RBFOX1: variants seen among roughly 807,000 people sequenced by gnomAD.
RBFOX1 encodes the protein RNA binding protein fox-1 homolog 1.
A neutral mutation model predicts 57.7 loss-of-function variants in RBFOX1; 8 were observed. That is an observed-to-expected ratio of 0.14 (90% CI 0.08 to 0.25). The LOEUF (loss-of-function observed/expected upper bound fraction) is 0.25, where lower values mean the gene tolerates loss of function less well. Ranked by LOEUF, RBFOX1 falls within the 10% of genes least tolerant of loss-of-function variation. The pLI, the probability that RBFOX1 is intolerant of heterozygous loss-of-function variation, is 1.00. For synonymous variants in RBFOX1, 326 were observed against 222.4 expected (o/e 1.47, Z -4.15); for missense variants, 611 against 548.5 (o/e 1.11, Z -1.14).
At chr16:6,833,104 G>C (rs2092827402) in intron 3 of RBFOX1, among the ~76,000 whole-genome samples, 6 of 148,002 alleles carry the variant, frequency 4.1e-5, no homozygotes, top group Admixed American at 4.1e-4. Flanking sequence ...TTTCTGGAAG[G>C]CTTTTTCTGT....
chr16:5,729,216 G>A (rs1216756452), intron 3 of RBFOX1, among the ~76,000 whole-genome samples: 1 of 152,138 alleles, frequency 6.6e-6, no homozygotes, highest in East Asian at 1.9e-4. Flanking sequence ...TCAGTTTGTA[G>A]TCTGTCAGAT....
chr16:6,297,834 G>A (rs752463689), intron 1 of RBFOX1, among the ~76,000 whole-genome samples: 1 of 152,100 alleles, frequency 6.6e-6, no homozygotes, highest in Admixed American at 6.5e-5. Context: ...AGAGGAGATT[G>A]GCCACTGGGT....
chr16:6,155,961 T>C (rs1476797904), intron 1 of RBFOX1, among the ~76,000 whole-genome samples: 1 of 152,162 alleles, frequency 6.6e-6, no homozygotes, highest in African/African-American at 2.4e-5. Flanking sequence ...ACCTGTAGGG[T>C]ATCATTTAAT....
chr16:7,253,802 C>T (rs1160610928), intron 4 of RBFOX1, among the ~76,000 whole-genome samples: 1 of 152,172 alleles, frequency 6.6e-6, no homozygotes, highest in Non-Finnish European at 1.5e-5. Flanking sequence ...GGGAAGGAAT[C>T]TTTTCCTTGT....
At chr16:7,650,438 T>A (rs753003121) in intron 11 of RBFOX1, among the ~76,000 whole-genome samples, 2 of 152,066 alleles carry the variant, frequency 1.3e-5, no homozygotes, top group Non-Finnish European at 2.9e-5. Flanking sequence ...TGTGCCCTGC[T>A]TGGGAGAGCC....
At chr16:7,521,962 C>A (rs2077599291) in intron 5 of RBFOX1, among the ~76,000 whole-genome samples, 1 of 152,156 alleles carries the variant, frequency 6.6e-6, no homozygotes, top group Non-Finnish European at 1.5e-5. Context: ...GCTCCAGTCA[C>A]CACCTGTGAA....
intron 2 of RBFOX1, among the ~76,000 whole-genome samples, chr16:6,390,211 G>A (rs144110243): frequency 1.3e-5 from 2 of 152,312 alleles, no homozygotes; most frequent in East Asian, 1.9e-4. Flanking sequence ...TGCAATGGAT[G>A]TATTTACATA....
chr16:7,027,514 T>C (rs1214088283), intron 3 of RBFOX1, among the ~76,000 whole-genome samples: 1 of 80,736 alleles, frequency 1.2e-5, no homozygotes, highest in Admixed American at 1.3e-4. Context: ...TCAAGCAGTC[T>C]GGCTTCAGGG....
intron 1 of RBFOX1, among the ~76,000 whole-genome samples, chr16:5,385,161 G>C (rs938029007): frequency 6.6e-6 from 1 of 152,176 alleles, no homozygotes; most frequent in African/African-American, 2.4e-5. Context: ...TATGCTTTAC[G>C]TGCTTTTTTT....
chr16:7,171,507 C>A (rs1362596996), intron 4 of RBFOX1, among the ~76,000 whole-genome samples: 1 of 152,144 alleles, frequency 6.6e-6, no homozygotes, highest in Non-Finnish European at 1.5e-5. Flanking sequence ...AGTGTGAATC[C>A]TTAATGTGAC....
intron 3 of RBFOX1, among the ~76,000 whole-genome samples, chr16:5,682,108 A>T (rs1285024094): frequency 6.6e-6 from 1 of 152,182 alleles, no homozygotes; most frequent in African/African-American, 2.4e-5. Flanking sequence ...TGGGTTTCAG[A>T]TTGCCGTTTC....
intron 13 of RBFOX1, among the ~76,000 whole-genome samples, chr16:7,668,734 ATCTTT>A (rs1356125763): frequency 3.9e-5 from 6 of 152,228 alleles, no homozygotes; most frequent in African/African-American, 1.4e-4. Context: ...AACATATCAA[ATCTTT>A]TGATATGTTC....
At chr16:6,778,460 G>A (rs527486932) in intron 3 of RBFOX1, among the ~76,000 whole-genome samples, 2 of 152,070 alleles carry the variant, frequency 1.3e-5, no homozygotes, top group East Asian at 1.9e-4. Context: ...AAATGTTTCA[G>A]TATGTATCTC....
chr16:7,652,828 C>A (rs150748730), intron 11 of RBFOX1, among the ~76,000 whole-genome samples: 1 of 152,182 alleles, frequency 6.6e-6, no homozygotes, highest in Admixed American at 6.5e-5. Flanking sequence ...TGGTAATAAG[C>A]TGTTTCTCAT....
intron 3 of RBFOX1, among the ~76,000 whole-genome samples, chr16:6,974,971 C>T (rs1442700462): frequency 6.6e-6 from 1 of 152,218 alleles, no homozygotes; most frequent in Admixed American, 6.5e-5. Flanking sequence ...GAATCTTCCT[C>T]TGCTTCTGCT....
intron 1 of RBFOX1, among the ~76,000 whole-genome samples, chr16:6,089,505 G>A (rs896436423): frequency 5.9e-5 from 9 of 152,194 alleles, no homozygotes; most frequent in African/African-American, 2.2e-4. Context: ...ATGCTGAAAG[G>A]CATTGTAAAT....
At chr16:6,559,392 A>G (rs1421694069) in intron 2 of RBFOX1, among the ~76,000 whole-genome samples, 15 of 152,080 alleles carry the variant, frequency 9.9e-5, no homozygotes, top group Non-Finnish European at 1.5e-5. Flanking sequence ...ATATATAGAT[A>G]TAGATCCACA....
chr16:7,208,791 T>G (rs9938812), intron 4 of RBFOX1, among the ~76,000 whole-genome samples: 7,529 of 152,212 alleles, frequency 0.049, 594 homozygotes, highest in African/African-American at 0.17. Flanking sequence ...GAGCTGTGAT[T>G]GCAGCACTTG....
intron 4 of RBFOX1, among the ~76,000 whole-genome samples, chr16:7,197,099 C>T (rs1254375892): frequency 1.3e-5 from 2 of 152,148 alleles, no homozygotes; most frequent in Non-Finnish European, 2.9e-5. Flanking sequence ...ACTCCTGTTC[C>T]ATCTCTCCCA....
Sources: gnomAD v4.1 joint callset for allele counts (sites outside exome capture counted in the v4.1 genomes callset) on GRCh38, gnomAD v4.1.1 for gene constraint, MANE v1.5 for transcripts, NCBI Gene and HGNC (gene_info 2026-07-23, HGNC 2026-07-21) for gene names.